The following XRCC4 variants were observed in gnomAD, a reference collection of about 807,000 sequenced individuals.
XRCC4 encodes DNA repair protein XRCC4.
Under a neutral mutation model 39.1 loss-of-function variants are expected in XRCC4, and 28 were observed. That is an observed-to-expected ratio of 0.72 (90% CI 0.53 to 0.98). XRCC4 has a LOEUF of 0.98. Ranked by LOEUF, XRCC4 falls within the 50% of genes least tolerant of loss-of-function variation. The pLI is 0.00. For missense variants in XRCC4, 350 were observed against 376.4 expected (o/e 0.93, Z 0.58); for synonymous variants, 123 against 126.4 (o/e 0.97, Z 0.18).
intron 3 of XRCC4, among the ~76,000 whole-genome samples, chr5:83,163,503 CAG>C (rs1005841868): frequency 2.6e-5 from 4 of 152,116 alleles, no homozygotes; most frequent in Non-Finnish European, 5.9e-5. Flanking sequence ...TGTCTGTTGA[CAG>C]AGCACTGTAA....
intron 1 of XRCC4, among the ~76,000 whole-genome samples, chr5:83,084,557 A>G (rs562424470): frequency 3.3e-5 from 5 of 152,328 alleles, no homozygotes; most frequent in South Asian, 4.1e-4. Flanking sequence ...GCTAGATGCC[A>G]TTACTACCAG....
intron 7 of XRCC4, among the ~76,000 whole-genome samples, chr5:83,327,616 T>C (rs1308799834): frequency 6.6e-6 from 1 of 152,104 alleles, no homozygotes; most frequent in Non-Finnish European, 1.5e-5. Context: ...ACCATAAATA[T>C]ATACAATTAT....
At chr5:83,128,818 G>A (rs148834696) in intron 3 of XRCC4, among the ~76,000 whole-genome samples, 2,822 of 152,148 alleles carry the variant, frequency 0.019, 79 homozygotes, top group East Asian at 0.074. Flanking sequence ...TTTTGATGGG[G>A]TTGTTTGATT....
intron 6 of XRCC4, among the ~76,000 whole-genome samples, chr5:83,225,628 G>T (rs1580393108): frequency 1.4e-5 from 2 of 147,338 alleles, no homozygotes; most frequent in Non-Finnish European, 1.5e-5. Flanking sequence ...AAAAAAAAAG[G>T]ATAGGCCTGG....
At chr5:83,258,257 T>C (rs143749905) in intron 6 of XRCC4, among the ~76,000 whole-genome samples, 1 of 152,090 alleles carries the variant, frequency 6.6e-6, no homozygotes, top group Non-Finnish European at 1.5e-5. Context: ...AAATACTATC[T>C]CCATTAAATC....
rs183840069 is a variant in XRCC4, at chr5:83,264,325, G to A, written c.893+5648G>A. 1.6e-4 allele frequency among the ~76,000 whole-genome samples: 24 copies of A among 152,126 alleles called. 2 individuals are homozygous for A. The highest frequency in any genetic ancestry group is 6.5e-5 in the Admixed American group (1 of 15,268). ...AGTAACCCAGTTGCAGTCACATAGA[G>A]TTTAGGCAATATTCACTCTTAATAA... On this transcript the variant is annotated intron_variant, in intron 7 of 7. Transcript: ENST00000396027.
intron 6 of XRCC4, among the ~76,000 whole-genome samples, chr5:83,254,086 T>G (rs1753431628): frequency 6.6e-6 from 1 of 150,388 alleles, no homozygotes; most frequent in African/African-American, 2.5e-5. Flanking sequence ...TTTTTGTTTT[T>G]TTTTTTTTCT....
chr5:83,230,845 A>C (rs1281219907), intron 6 of XRCC4, among the ~76,000 whole-genome samples: 2 of 152,188 alleles, frequency 1.3e-5, no homozygotes, highest in East Asian at 3.9e-4. Flanking sequence ...TTGTAGAAGA[A>C]AAATGTGACA....
intron 7 of XRCC4, among the ~76,000 whole-genome samples, chr5:83,267,563 C>T (rs1753999002): frequency 6.6e-6 from 1 of 152,156 alleles, no homozygotes; most frequent in South Asian, 2.1e-4. Flanking sequence ...TTTCTTCCTT[C>T]TCAGCCATTT....
intron 3 of XRCC4, among the ~76,000 whole-genome samples, chr5:83,165,632 G>A (rs7349753): frequency 0.4 from 60,512 of 151,648 alleles, 12,578 homozygotes; most frequent in South Asian, 0.49. Context: ...CTCTCCCACC[G>A]TCTACCTTCC....
intron 3 of XRCC4, among the ~76,000 whole-genome samples, chr5:83,136,706 A>T (rs1580274700): frequency 1.3e-5 from 2 of 152,274 alleles, no homozygotes; most frequent in East Asian, 1.9e-4. Flanking sequence ...TAGAAAAAAA[A>T]TTTTAAGATT....
chr5:83,216,715 A>T (rs1561410825), intron 6 of XRCC4, among the ~76,000 whole-genome samples: 1 of 152,230 alleles, frequency 6.6e-6, no homozygotes, highest in African/African-American at 2.4e-5. Context: ...CCAGATGCAA[A>T]GGTTGTTTAT....
chr5:83,238,922 GAT>G (rs567852838), intron 6 of XRCC4, among the ~76,000 whole-genome samples: 5 of 152,218 alleles, frequency 3.3e-5, no homozygotes, highest in Non-Finnish European at 7.3e-5. Flanking sequence ...ACAAATGAGT[GAT>G]AAGTTTCAGG....
chr5:83,306,104 T>C (rs1158036201), intron 7 of XRCC4, among the ~76,000 whole-genome samples: 2 of 145,354 alleles, frequency 1.4e-5, no homozygotes, highest in African/African-American at 5.0e-5. Context: ...CCAGAACATT[T>C]TAGTGAATTC....
At chr5:83,300,344 CTCTT>C (rs1218652344) in intron 7 of XRCC4, among the ~76,000 whole-genome samples, 7 of 152,112 alleles carry the variant, frequency 4.6e-5, no homozygotes, top group Admixed American at 2.0e-4. Context: ...CTTTCTCTCT[CTCTT>C]TCTCCAATTT....
intron 2 of XRCC4, among the ~76,000 whole-genome samples, chr5:83,108,868 A>G (rs1365015933): frequency 9.9e-6 from 1 of 101,136 alleles, no homozygotes; most frequent in Non-Finnish European, 2.3e-5. Context: ...TTTTTTTTTT[A>G]GAAGAGCTAC....
At chr5:83,096,743 A>T (rs1253642349) in intron 1 of XRCC4, among the ~76,000 whole-genome samples, 1 of 152,218 alleles carries the variant, frequency 6.6e-6, no homozygotes, top group Non-Finnish European at 1.5e-5. Flanking sequence ...TTTCAAAGCC[A>T]GTTGACTTCT....
chr5:83,118,078 A>G (rs1580244918), intron 3 of XRCC4, among the ~76,000 whole-genome samples: 1 of 42,806 alleles, frequency 2.3e-5, no homozygotes. Context: ...ACACACACAC[A>G]TATGTATATA....
intron 7 of XRCC4, among the ~76,000 whole-genome samples, chr5:83,276,311 A>G (rs571340095): frequency 6.6e-6 from 1 of 152,262 alleles, no homozygotes; most frequent in Non-Finnish European, 1.5e-5. Flanking sequence ...GGTAGATGGT[A>G]TGGTTTCAAT....
Sources: gnomAD v4.1 joint callset for allele counts (sites outside exome capture counted in the v4.1 genomes callset) on GRCh38, gnomAD v4.1.1 for gene constraint, MANE v1.5 for transcripts, NCBI Gene and HGNC (gene_info 2026-07-23, HGNC 2026-07-21) for gene names.